The following RAB31 variants were observed in gnomAD, a reference collection of about 807,000 sequenced individuals.
RAB31 encodes ras-related protein Rab-31.
RAB31 carries 21 observed loss-of-function variants against 25.6 expected under a neutral mutation model. The ratio of observed to expected loss-of-function variants is 0.82; its 90% CI spans 0.58 to 1.18. The LOEUF (loss-of-function observed/expected upper bound fraction) is 1.18, where lower values mean the gene tolerates loss of function less well. Ranked by LOEUF, RAB31 falls within the 50% of genes most tolerant of loss-of-function variation. RAB31 has a pLI of 0.00. For synonymous variants in RAB31, 87 were observed against 84.0 expected, an observed-to-expected ratio of 1.04 and a Z score of -0.20; for missense variants, 196 against 250.1, an observed-to-expected ratio of 0.78 and a Z score of 1.46.
chr18:9,724,288 C>CAA (rs796963366), intron 1 of RAB31, among the ~76,000 whole-genome samples: 4 of 46,654 alleles, frequency 8.6e-5, no homozygotes, highest in South Asian at 1.1e-3. Context: ...AAAAAAAAAA[C>CAA]AAAAAAAAAA....
At chr18:9,853,510 T>C (rs1172454321) in intron 6 of RAB31, among the ~76,000 whole-genome samples, 1 of 152,130 alleles carries the variant, frequency 6.6e-6, no homozygotes, top group Admixed American at 6.5e-5. Flanking sequence ...AAAAGATCAG[T>C]GGTTGCTGTG....
intron 5 of RAB31, among the ~76,000 whole-genome samples, chr18:9,839,941 C>T (rs936019780): frequency 6.6e-6 from 1 of 152,208 alleles, no homozygotes; most frequent in African/African-American, 2.4e-5. Flanking sequence ...TTCTCCCGCC[C>T]TCCCCATCCC....
chr18:9,831,205 C>G (rs1599058058), intron 5 of RAB31, among the ~76,000 whole-genome samples: 6 of 152,274 alleles, frequency 3.9e-5, no homozygotes, highest in Admixed American at 3.9e-4. Flanking sequence ...ATGTTATGGT[C>G]TGGTGGAGAC....
At position 9,777,848 on chromosome 18, in the gene RAB31, G is replaced by T. The variant is rs542817004; in HGVS notation, c.119+2491G>T. 2.0e-5 allele frequency among the ~76,000 whole-genome samples: 3 copies of T among 149,002 alleles called. No individual in the cohort carries two copies. The South Asian group carries it at 6.3e-4, about 31-fold the overall frequency. On this transcript the variant is annotated intron_variant, in intron 2 of 6. Coordinates refer to ENST00000578921, the MANE Select transcript of RAB31 (RefSeq NM_006868.4). Reference sequence around the variant, plus strand: ...TGGCTCACTGCAACCTCCGCCTCCCGGGTTCAAGCGATTCTCCTGCCTCAG... The same window carrying T: ...TGGCTCACTGCAACCTCCGCCTCCCTGGTTCAAGCGATTCTCCTGCCTCAG...
intron 1 of RAB31, among the ~76,000 whole-genome samples, chr18:9,712,297 T>C (rs1244575612): frequency 1.3e-5 from 2 of 152,176 alleles, no homozygotes; most frequent in Non-Finnish European, 2.9e-5. Flanking sequence ...GTGGACTTTC[T>C]TGGGTTTATT....
chr18:9,781,515 G>A (rs2145494194), intron 2 of RAB31, among the ~76,000 whole-genome samples: 1 of 152,290 alleles, frequency 6.6e-6, no homozygotes, highest in East Asian at 1.9e-4. Context: ...GTTTCACCAT[G>A]TTGGCCAGGC....
In RAB31 at chr18:9,803,166, G is replaced by C. The variant is rs534706939; in HGVS notation, c.202-10854G>C. Among the ~76,000 whole-genome samples, 3 of 151,954 alleles carry C rather than the reference G, an allele frequency of 2.0e-5. No individual in the cohort carries two copies. The South Asian group carries it at 6.2e-4, about 32-fold the overall frequency. ...ATTCCTCCTCATGGGAGAGGATAGA[G>C]TACATGCGAGTTTTTGCTCTCCTCC... On this transcript the variant is annotated intron_variant, in intron 3 of 6. Transcript: ENST00000578921.
chr18:9,740,225 C>G (rs190012519), intron 1 of RAB31, among the ~76,000 whole-genome samples: 1 of 152,250 alleles, frequency 6.6e-6, no homozygotes, highest in Admixed American at 6.5e-5. Flanking sequence ...CAGGATAATG[C>G]CAGTCATATG....
chr18:9,857,649 A>T (rs919135097), intron 6 of RAB31, among the ~76,000 whole-genome samples: 1 of 122,036 alleles, frequency 8.2e-6, no homozygotes, highest in Non-Finnish European at 1.9e-5. Flanking sequence ...ATATAGATAG[A>T]TAGATAGATA....
In RAB31 at chr18:9,708,597, C is replaced by T. The variant is rs1438777294; in HGVS notation, c.39+153C>T. ...CCCCTCGTCCGCGCGCCCCCTGGTT[C>T]CCCGGGTCCCCCTGGCTCCCCTAGT... On this transcript the variant is annotated intron_variant, in intron 1 of 6. Coordinates refer to ENST00000578921, the MANE Select transcript of RAB31 (RefSeq NM_006868.4). The surrounding 1 kb of genome is among the most constrained non-coding windows in gnomAD (Gnocchi z 6.4). Among the ~76,000 whole-genome samples, 1 of 151,460 alleles carries T rather than the reference C, an allele frequency of 6.6e-6. No homozygotes were observed. Among genetic ancestry groups the T allele is most frequent in the African/African-American group, 2.4e-5 (1 of 41,208 alleles).
chr18:9,814,258 AAAC>A (rs2068590044), intron 4 of RAB31, among the ~76,000 whole-genome samples, 167 bp downstream of exon 4: 3 of 152,220 alleles, frequency 2.0e-5, no homozygotes, highest in Admixed American at 6.5e-5. Context: ...CTGCTAAATT[AAAC>A]AATAATGACC....
chr18:9,847,306 A>G (rs1241621815), intron 6 of RAB31, among the ~76,000 whole-genome samples: 2 of 152,146 alleles, frequency 1.3e-5, no homozygotes, highest in Non-Finnish European at 2.9e-5. Context: ...CCTGAGGACG[A>G]TTGCCTTAGC....
At chr18:9,778,117 T>C (rs147756698) in intron 2 of RAB31, among the ~76,000 whole-genome samples, 66 of 152,246 alleles carry the variant, frequency 4.3e-4, no homozygotes, top group African/African-American at 1.6e-3. Context: ...GGGCAGTACA[T>C]AAAAATGACA....
At chr18:9,775,161 G>A (rs2068365350) in intron 1 of RAB31, 117 bp from the exon 2 acceptor site, 5 of 1,522,322 alleles carry the variant, frequency 3.3e-6, no homozygotes, top group Non-Finnish European at 3.6e-6. Flanking sequence ...CCCTCTCCCA[G>A]TCTCATCAAC....
chr18:9,801,737 C>G (rs1305389165), intron 3 of RAB31, among the ~76,000 whole-genome samples: 1 of 152,206 alleles, frequency 6.6e-6, no homozygotes, highest in Non-Finnish European at 1.5e-5. Context: ...CATATACTCA[C>G]CAACACTTGT....
chr18:9,827,011 C>T (rs909494357), intron 5 of RAB31, among the ~76,000 whole-genome samples: 1 of 152,154 alleles, frequency 6.6e-6, no homozygotes, highest in Non-Finnish European at 1.5e-5. Context: ...ACTCCAACCC[C>T]ATACATTCCG....
At chr18:9,761,286 A>G (rs185270859) in intron 1 of RAB31, among the ~76,000 whole-genome samples, 17 of 152,194 alleles carry the variant, frequency 1.1e-4, no homozygotes, top group Admixed American at 2.0e-4. Context: ...GCTCTCATCA[A>G]CCCCTCACAC....
chr18:9,859,400 C>A lies in RAB31; in HGVS notation c.*75C>A. ...GTGCACTGCTGAAGGACCCTACGCT[C>A]GGTGGCCTGGCACCTCACTTTGAGA... On this transcript the variant is annotated 3_prime_UTR_variant, in exon 7 of 7. Coordinates refer to ENST00000578921, the MANE Select transcript of RAB31 (RefSeq NM_006868.4). The A allele has an allele frequency of 7.6e-7, 1 of 1,315,430 alleles. No homozygotes were observed. The highest frequency in any genetic ancestry group is 1.1e-6 in the Non-Finnish European group (1 of 933,292). 81.5% of individuals were successfully genotyped at this position (1,315,430 alleles called of 1,614,324 possible).
At chr18:9,838,531 C>A (rs973166865) in intron 5 of RAB31, among the ~76,000 whole-genome samples, 1 of 152,206 alleles carries the variant, frequency 6.6e-6, no homozygotes, top group Non-Finnish European at 1.5e-5. Flanking sequence ...TCTTCTATTC[C>A]CCCAGCCATC....
Sources: allele counts gnomAD v4.1 joint callset (sites outside exome capture counted in the v4.1 genomes callset), GRCh38; gene constraint gnomAD v4.1.1; non-coding constraint Gnocchi (gnomAD v3.1); transcripts MANE v1.5; gene names NCBI Gene and HGNC (gene_info 2026-07-23, HGNC 2026-07-21).